The following ZFHX3 variants were observed in gnomAD, a reference collection of about 807,000 sequenced individuals.
ZFHX3 encodes zinc finger homeobox 3, also known as zinc finger homeobox protein 3.
Under a neutral mutation model 279.1 loss-of-function variants are expected in ZFHX3, and 42 were observed. The ratio of observed to expected loss-of-function variants is 0.15; its 90% confidence interval spans 0.12 to 0.19. The LOEUF (loss-of-function observed/expected upper bound fraction) is 0.19, where lower values mean the gene tolerates loss of function less well. ZFHX3 is among the 10% of genes least tolerant of loss of function. The probability of loss-of-function intolerance (pLI) is 1.00; values close to 1 mark genes in which losing one functional copy is unlikely to be tolerated. For missense variants in ZFHX3, 4,981 were observed against 4,754.0 expected, an observed-to-expected ratio of 1.05 and a Z score of -1.40; for synonymous variants, 2,293 against 1,957.8, an observed-to-expected ratio of 1.17 and a Z score of -4.52.
chr16:72,804,918 G>A (rs2036215354), intron 7 of ZFHX3, among the ~76,000 whole-genome samples: 1 of 152,124 alleles, frequency 6.6e-6, no homozygotes, highest in Non-Finnish European at 1.5e-5. Flanking sequence ...GCTCACCTAG[G>A]TTAGATCGAT....
chr16:73,438,646 TATAGTG>T (rs1723430979), intron 3 of ZFHX3, among the ~76,000 whole-genome samples: 2 of 152,242 alleles, frequency 1.3e-5, no homozygotes, highest in South Asian at 4.1e-4. Context: ...AAATTCTTGA[TATAGTG>T]ATAAAGTAGA....
chr16:73,100,606 G>C (rs1966219211), intron 7 of ZFHX3, among the ~76,000 whole-genome samples: 1 of 125,014 alleles, frequency 8.0e-6, no homozygotes, highest in Admixed American at 7.6e-5. Flanking sequence ...CGGAGTCTTA[G>C]TCTTGCTCTG....
In ZFHX3 at chr16:72,796,347, G is replaced by A. The variant is rs142708189; in HGVS notation, c.6335C>T (p.Ala2112Val). 8.7e-6 allele frequency: 14 copies of A among 1,613,926 alleles called. No individual in the cohort carries two copies. In the African/African-American group the frequency reaches 1.6e-4, roughly 18 times the overall value. ...AGGTCCCAGCTGCGGGGGTAGCTGA[G>A]CCGGCAAGGTCTGCAGCGGCATCGT... is the stretch of plus-strand genomic sequence containing the variant. ...MQTMPLQTLPAQLPPQLGPVE... is the reference protein window; with the variant it reads ...MQTMPLQTLPVQLPPQLGPVE... Residue 2112 changes from alanine to valine, a missense_variant, in exon 9 of 10, where the codon GCT (alanine) becomes GTT (valine). Around this residue, in one of 7 missense-constraint regions of ZFHX3, gnomAD observed 1,751 missense variants for 1,770.0 expected, o/e 0.99. Transcript: ENST00000268489.
At position 73,489,408 on chromosome 16, in the gene ZFHX3, C is replaced by T. The variant is rs185248596; in HGVS notation, c.-1546-33150G>A. Among the ~76,000 whole-genome samples, 125 of 152,274 alleles carry T rather than the reference C, an allele frequency of 8.2e-4. 1 individual carries two copies. The East Asian group carries it at 0.022, about 27-fold the overall frequency. ...GAGCAACGTAGAAATGATTCCATAG[C>T]TTCTCTAGATCATTCCATTTAGGGC... On this transcript the variant is annotated intron_variant, in intron 2 of 17. Transcript: ENST00000641206.
chr16:72,964,848 A>T (rs374369872), intron 1 of ZFHX3, among the ~76,000 whole-genome samples: 5 of 152,228 alleles, frequency 3.3e-5, no homozygotes, highest in East Asian at 3.9e-4. Context: ...TGGCCCAGTT[A>T]TGCAGCCTGA....
chr16:72,935,294 G>C (rs184289502), intron 3 of ZFHX3, among the ~76,000 whole-genome samples: 1 of 152,174 alleles, frequency 6.6e-6, no homozygotes, highest in East Asian at 1.9e-4. Context: ...TTCTCAGGGC[G>C]GGGGACAATC....
At chr16:73,682,722 G>A (rs1439920731) in intron 1 of ZFHX3, among the ~76,000 whole-genome samples, 2 of 151,558 alleles carry the variant, frequency 1.3e-5, no homozygotes, top group African/African-American at 4.9e-5. Context: ...AGGAGGTGGA[G>A]GTTGCAGTGA....
intron 4 of ZFHX3, among the ~76,000 whole-genome samples, chr16:73,307,718 T>G (rs959876610): frequency 2.2e-4 from 33 of 152,216 alleles, no homozygotes; most frequent in African/African-American, 8.0e-4. Flanking sequence ...CTATCCTGGG[T>G]TGTTAAAATT....
intron 2 of ZFHX3, among the ~76,000 whole-genome samples, chr16:73,634,408 G>C (rs994537133): frequency 7.2e-6 from 1 of 138,506 alleles, no homozygotes; most frequent in Non-Finnish European, 1.5e-5. Flanking sequence ...TCACGGAGAA[G>C]GCAACTCAAC....
At chr16:72,895,547 G>C (rs1270584815) in intron 3 of ZFHX3, among the ~76,000 whole-genome samples, 1 of 152,254 alleles carries the variant, frequency 6.6e-6, no homozygotes, top group African/African-American at 2.4e-5. Flanking sequence ...CTGGAGGCCA[G>C]GCGTGGTGGC....
At chr16:73,496,384 A>G (rs2143656094) in intron 2 of ZFHX3, among the ~76,000 whole-genome samples, 1 of 152,292 alleles carries the variant, frequency 6.6e-6, no homozygotes, top group African/African-American at 2.4e-5. Flanking sequence ...TACAAAATTT[A>G]GCAAGGCATG....
At chr16:73,143,659 T>C in intron 6 of ZFHX3, 2 of 897,878 alleles carry the variant, frequency 2.2e-6, no homozygotes, top group Non-Finnish European at 3.2e-6. Flanking sequence ...TTTTGTTTGG[T>C]GTCCTTGTCT....
At chr16:73,672,008 T>C (rs1300640595) in intron 2 of ZFHX3, among the ~76,000 whole-genome samples, 4 of 150,474 alleles carry the variant, frequency 2.7e-5, no homozygotes, top group Middle Eastern at 3.4e-3. Flanking sequence ...GCAAAGAAAA[T>C]TGACACTACC....
rs908399552 is a variant in ZFHX3 at position 73,782,835 on chromosome 16, G to A, written c.-1607-102595C>T. Among the ~76,000 whole-genome samples, 6 of 152,202 alleles carry A rather than the reference G, an allele frequency of 3.9e-5. No individual in the cohort carries two copies. In the South Asian group the frequency reaches 1.2e-3, roughly 31 times the overall value. Reference sequence around the variant, plus strand: ...ATGGAGCAGACCCTTATCCAACACTGAGCTGAGTGAAATATGCACTGTTTC... The same window carrying A: ...ATGGAGCAGACCCTTATCCAACACTAAGCTGAGTGAAATATGCACTGTTTC... On this transcript the variant is annotated intron_variant, in intron 1 of 17. Transcript: ENST00000641206.
At chr16:73,204,210 T>A (rs1487587559) in intron 5 of ZFHX3, among the ~76,000 whole-genome samples, 3 of 151,860 alleles carry the variant, frequency 2.0e-5, no homozygotes, top group African/African-American at 7.2e-5. Context: ...GGGGGAATGG[T>A]TTGGGGATGA....
At chr16:72,848,059 A>G (rs1029726859) in intron 4 of ZFHX3, among the ~76,000 whole-genome samples, 2 of 152,178 alleles carry the variant, frequency 1.3e-5, no homozygotes, top group African/African-American at 4.8e-5. Context: ...GACTTCATCC[A>G]TCACCAAAAA....
intron 1 of ZFHX3, among the ~76,000 whole-genome samples, chr16:73,882,446 A>G (rs920614013): frequency 6.6e-6 from 1 of 151,954 alleles, no homozygotes; most frequent in Admixed American, 6.6e-5. Context: ...TTTAAGAAGA[A>G]TTAAGCTTTT....
chr16:73,587,465 T>A (rs1350856448), intron 2 of ZFHX3, among the ~76,000 whole-genome samples: 1 of 152,222 alleles, frequency 6.6e-6, no homozygotes. Flanking sequence ...ATGCTTTTAG[T>A]TGACTGCATT....
chr16:73,555,366 G>A (rs1477067169), intron 2 of ZFHX3, among the ~76,000 whole-genome samples: 1 of 151,966 alleles, frequency 6.6e-6, no homozygotes, highest in African/African-American at 2.4e-5. Flanking sequence ...GTGTCAGCCA[G>A]GATGGTCCCG....
Sources: gnomAD v4.1 joint callset for allele counts (sites outside exome capture counted in the v4.1 genomes callset) on GRCh38, gnomAD v4.1.1 for gene constraint, gnomAD v4.1.1 regional missense constraint, MANE v1.5 for transcripts, NCBI Gene and HGNC (gene_info 2026-07-23, HGNC 2026-07-21) for gene names.